The following PTPN4 variants were observed in gnomAD, a reference collection of about 807,000 sequenced individuals.
PTPN4 encodes the protein tyrosine-protein phosphatase non-receptor type 4.
PTPN4 carries 49 observed loss-of-function variants against 135.5 expected under a neutral mutation model. The observed-to-expected ratio is 0.36, with a 90% confidence interval of 0.29 to 0.46. The LOEUF (loss-of-function observed/expected upper bound fraction) is 0.46. Among genes scored for constraint, PTPN4 ranks in the 20% least tolerant of loss-of-function variants. The probability of loss-of-function intolerance (pLI) is 1.00; values close to 1 mark genes in which losing one functional copy is unlikely to be tolerated. For synonymous variants in PTPN4, 333 were observed against 369.9 expected (o/e 0.90, Z 1.14); for missense variants, 860 against 1,101.0 (o/e 0.78, Z 3.10).
intron 2 of PTPN4, among the ~76,000 whole-genome samples, chr2:119,853,891 A>C (rs1014281875): frequency 6.6e-6 from 1 of 152,066 alleles, no homozygotes; most frequent in East Asian, 1.9e-4. Context: ...TAGATAAACA[A>C]CACGGACACA....
In PTPN4 at chr2:119,983,266, A is replaced by C. The variant is rs1485078290; in HGVS notation, c.*6196A>C. On this transcript the variant is annotated 3_prime_UTR_variant, in exon 27 of 27. Transcript: ENST00000263708. ...GTACAATTATTACCAGGAATCCGTCAAGGGGGAGATAGCCCCGCTCACACC... is the reference window on the plus strand; with the variant it reads ...GTACAATTATTACCAGGAATCCGTCCAGGGGGAGATAGCCCCGCTCACACC... 6.6e-6 allele frequency: 1 copy of C among 152,212 alleles called. No homozygotes were observed. The highest frequency in any genetic ancestry group is 2.4e-5 in the African/African-American group (1 of 41,456). 9.4% of individuals were successfully genotyped at this position (152,212 alleles called of 1,614,324 possible). A position where few individuals can be genotyped will look rare whatever the true frequency, so the allele number is the denominator to read the frequency against.
intron 7 of PTPN4, 42 bp downstream of exon 7, chr2:119,882,191 T>C (rs1678090530): frequency 6.5e-7 from 1 of 1,532,850 alleles, no homozygotes; most frequent in Admixed American, 1.7e-5. Flanking sequence ...CATATAACTG[T>C]GGTTTGTGTT....
At chr2:119,840,753 G>A (rs1478827235) in intron 2 of PTPN4, among the ~76,000 whole-genome samples, 1 of 152,170 alleles carries the variant, frequency 6.6e-6, no homozygotes, top group African/African-American at 2.4e-5. Context: ...ACCAGCATCT[G>A]TTGTTTTTTG....
At chr2:119,931,968 T>C (rs188269439) in intron 13 of PTPN4, among the ~76,000 whole-genome samples, 2 of 152,302 alleles carry the variant, frequency 1.3e-5, no homozygotes, top group East Asian at 1.9e-4. Context: ...TCTGTCTTCA[T>C]TGAGGCAGAG....
In PTPN4 at chr2:119,952,032, G is replaced by A. The variant is rs1478743050; in HGVS notation, c.1716G>A (p.Arg572=). The part of the protein sequence containing the change: ...EGDQVVLING[R]DIAEHTHDQV... ...ACCAAGTTGTACTGATCAATGGTCG[G>A]GACATTGCAGAACACACTCATGATC... The change falls in exon 19 of 27, where the codon CGG becomes CGA. Residue 572 remains arginine, a synonymous_variant. Transcript: ENST00000263708. 1 of 1,613,192 alleles carries A rather than the reference G, an allele frequency of 6.2e-7. No individual in the cohort carries two copies. Among genetic ancestry groups the A allele is most frequent in the Non-Finnish European group, 8.5e-7 (1 of 1,179,328 alleles).
intron 15 of PTPN4, among the ~76,000 whole-genome samples, chr2:119,942,847 A>G (rs961298821): frequency 2.0e-5 from 3 of 152,184 alleles, no homozygotes; most frequent in South Asian, 2.1e-4. Flanking sequence ...TAGACAAGCA[A>G]TACTTGAATC....
At chr2:119,780,772 T>A (rs138680579) in intron 1 of PTPN4, among the ~76,000 whole-genome samples, 5 of 152,330 alleles carry the variant, frequency 3.3e-5, no homozygotes, top group African/African-American at 1.2e-4. Context: ...TGTAAAGATA[T>A]CGTTTCCCCT....
intron 13 of PTPN4, among the ~76,000 whole-genome samples, chr2:119,928,675 A>G (rs949392273): frequency 6.6e-6 from 1 of 152,134 alleles, no homozygotes; most frequent in African/African-American, 2.4e-5. Context: ...TTTTTTAAAA[A>G]ACGAATAACA....
chr2:119,926,830 A>G (rs1033179155), intron 13 of PTPN4, among the ~76,000 whole-genome samples, 164 bp downstream of exon 13: 3 of 152,140 alleles, frequency 2.0e-5, no homozygotes, highest in African/African-American at 7.2e-5. Context: ...AGGGAATGAT[A>G]AACTAGCTTG....
chr2:119,978,993 T>G lies in PTPN4; in HGVS notation c.*1923T>G, dbSNP rs1679655583. ...ACATAAACTTATGTCAAAGAGAAAT[T>G]CTCTTAATCTATTTCCTGACTTCAC... On this transcript the variant is annotated 3_prime_UTR_variant, in exon 27 of 27. Coordinates refer to ENST00000263708, the MANE Select transcript of PTPN4 (RefSeq NM_002830.4). The G allele has an allele frequency of 6.6e-6, 1 of 152,088 alleles. No individual in the cohort carries two copies. The highest frequency in any genetic ancestry group is 6.5e-5 in the Admixed American group (1 of 15,270). 9.4% of individuals were successfully genotyped at this position (152,088 alleles called of 1,614,324 possible).
chr2:119,885,766 T>C (rs1558754821), intron 8 of PTPN4, 29 bp from the exon 9 acceptor site: 1 of 1,440,594 alleles, frequency 6.9e-7, no homozygotes, highest in Non-Finnish European at 9.5e-7. Context: ...TTGATTGATC[T>C]CATTTTTAAC....
rs572075729 is a variant in PTPN4 at position 119,969,519 on chromosome 2, C to T, written c.2694+1547C>T. On this transcript the variant is annotated intron_variant, in intron 26 of 26. Transcript: ENST00000263708. ...GATTGATTTTCCTTTTAAATAAAAC[C>T]GCAGTACAATTATCAAGAAATGTAA... 2.0e-4 allele frequency among the ~76,000 whole-genome samples: 30 copies of T among 150,404 alleles called. No individual in the cohort carries two copies. In the South Asian group the frequency reaches 3.1e-3, roughly 16 times the overall value.
chr2:119,903,967 A>G (rs1177850388), intron 10 of PTPN4, among the ~76,000 whole-genome samples: 2 of 152,234 alleles, frequency 1.3e-5, no homozygotes, highest in Non-Finnish European at 2.9e-5. Flanking sequence ...AATCAAAGCC[A>G]AAGCACCCTA....
rs1242814476 is a variant in PTPN4 at position 119,801,899 on chromosome 2, C to G, written c.-17-7938C>G. ...TTTCTGTTTTTTCTTTCTTTCTTTC[C>G]GTTTTTTTTTTTTTTTTTTTTGAGG... On this transcript the variant is annotated intron_variant, in intron 1 of 26. Transcript: ENST00000263708. 2.4e-5 allele frequency among the ~76,000 whole-genome samples: 3 copies of G among 122,652 alleles called. No individual in the cohort carries two copies. The South Asian group carries it at 8.7e-4, about 36-fold the overall frequency. 80.5% of individuals were successfully genotyped at this position (122,652 alleles called of 152,430 possible).
chr2:119,966,762 C>G (rs1679451220), intron 25 of PTPN4, among the ~76,000 whole-genome samples: 1 of 152,172 alleles, frequency 6.6e-6, no homozygotes, highest in Admixed American at 6.5e-5. Context: ...TTTGCTACTT[C>G]TAAAAGCTTT....
intron 13 of PTPN4, among the ~76,000 whole-genome samples, chr2:119,927,113 CTTTTTTT>C (rs35553909): frequency 8.1e-6 from 1 of 122,862 alleles, no homozygotes; most frequent in Non-Finnish European, 1.7e-5. Context: ...AGCCAATTTG[CTTTTTTT>C]TTTTTTTTTT....
intron 1 of PTPN4, among the ~76,000 whole-genome samples, chr2:119,769,928 T>C (rs1034886922): frequency 1.5e-4 from 23 of 152,376 alleles, no homozygotes; most frequent in Admixed American, 4.6e-4. Flanking sequence ...AATTTGTATC[T>C]TGTGTTTTTG....
intron 20 of PTPN4, among the ~76,000 whole-genome samples, chr2:119,956,147 A>G (rs1404402140): frequency 6.6e-6 from 1 of 151,842 alleles, no homozygotes; most frequent in African/African-American, 2.4e-5. Flanking sequence ...AGTGCTTATA[A>G]TGTGCATTTT....
chr2:119,955,810 G>T (rs930415926), intron 20 of PTPN4, among the ~76,000 whole-genome samples: 1 of 152,042 alleles, frequency 6.6e-6, no homozygotes, highest in African/African-American at 2.4e-5. Context: ...GGTGGCAGGT[G>T]CCTGTAGTCC....
Sources: allele counts gnomAD v4.1 joint callset (sites outside exome capture counted in the v4.1 genomes callset), GRCh38; gene constraint gnomAD v4.1.1; transcripts MANE v1.5; gene names NCBI Gene and HGNC (gene_info 2026-07-23, HGNC 2026-07-21).